Variants in ACSF2 observed in about 807,000 individuals in gnomAD.
ACSF2 encodes the protein medium-chain acyl-CoA ligase ACSF2, mitochondrial.
ACSF2 carries 52 observed loss-of-function variants against 79.3 expected under a neutral mutation model. The ratio of observed to expected loss-of-function variants is 0.66; its 90% CI spans 0.53 to 0.83. The LOEUF is 0.83. ACSF2 is among the 40% of genes least tolerant of loss of function. The probability of loss-of-function intolerance (pLI) is 0.00; values close to 1 mark genes in which losing one functional copy is unlikely to be tolerated. For missense variants in ACSF2, 661 were observed against 803.3 expected, an observed-to-expected ratio of 0.82 and a Z score of 2.14; for synonymous variants, 283 against 312.6, an observed-to-expected ratio of 0.91 and a Z score of 1.00.
At chr17:50,469,290 G>A (rs920426545) in intron 10 of ACSF2, among the ~76,000 whole-genome samples, 2 of 152,228 alleles carry the variant, frequency 1.3e-5, no homozygotes, top group Non-Finnish European at 2.9e-5. Flanking sequence ...TCGGCCGGGT[G>A]CCCTGGATGC....
intron 1 of ACSF2, among the ~76,000 whole-genome samples, chr17:50,451,732 G>T (rs530545335): frequency 4.3e-4 from 65 of 152,354 alleles, no homozygotes; most frequent in African/African-American, 1.5e-3. Flanking sequence ...TTATAGGCGT[G>T]AGCCACCGCG....
intron 12 of ACSF2, 52 bp from the exon 13 acceptor site, chr17:50,473,613 A>G: frequency 6.2e-7 from 1 of 1,611,726 alleles, no homozygotes; most frequent in East Asian, 2.2e-5. Context: ...CTGAGCAAGC[A>G]AGTGAGTGAA....
intron 10 of ACSF2, chr17:50,468,782 C>A: frequency 6.4e-7 from 1 of 1,569,422 alleles, no homozygotes; most frequent in East Asian, 2.3e-5. Context: ...AGCCAGGAGG[C>A]CGAGGCTGAG....
chr17:50,471,913 C>T lies in ACSF2; in HGVS notation c.1324-515C>T, dbSNP rs2033139206. ...CACCTGGAAGGGAAACAGGGGCAGG[C>T]ATCACTCACCCCATTTCACGGACAC... On this transcript the variant is annotated intron_variant, in intron 11 of 15. Transcript: ENST00000300441. The surrounding 1 kb of genome is among the most constrained non-coding windows in gnomAD (Gnocchi z 4.1). Among the ~76,000 whole-genome samples the T allele has an allele frequency of 6.6e-6, 1 of 152,204 alleles. No homozygotes were observed. Among genetic ancestry groups the T allele is most frequent in the Non-Finnish European group, 1.5e-5 (1 of 68,032 alleles).
At chr17:50,439,874 C>T (rs1464921199) in intron 1 of ACSF2, among the ~76,000 whole-genome samples, 1 of 152,078 alleles carries the variant, frequency 6.6e-6, no homozygotes, top group Non-Finnish European at 1.5e-5. Context: ...TTTATACTTC[C>T]CTGATTACCA....
At chr17:50,444,611 C>T (rs899186936) in intron 1 of ACSF2, among the ~76,000 whole-genome samples, 2 of 147,146 alleles carry the variant, frequency 1.4e-5, no homozygotes, top group Admixed American at 1.4e-4. Context: ...ATATCTTCCC[C>T]AGCCCCCGAG....
At chr17:50,461,496 C>G in intron 3 of ACSF2, 126 bp downstream of exon 3, 1 of 1,584,884 alleles carries the variant, frequency 6.3e-7, no homozygotes, top group Non-Finnish European at 8.6e-7. Flanking sequence ...GTAGTGCTTT[C>G]TCCTGAGGCC....
chr17:50,459,727 G>A (rs769694468), intron 1 of ACSF2, among the ~76,000 whole-genome samples: 71 of 152,200 alleles, frequency 4.7e-4, no homozygotes, highest in Admixed American at 7.2e-4. Flanking sequence ...TACTACTCCC[G>A]TGACTGCCCA....
At chr17:50,427,845 G>T (rs1214328266) in intron 1 of ACSF2, among the ~76,000 whole-genome samples, 1 of 152,124 alleles carries the variant, frequency 6.6e-6, no homozygotes, top group Non-Finnish European at 1.5e-5. Flanking sequence ...TGGGACCTCT[G>T]AGAGCACCAA....
intron 1 of ACSF2, among the ~76,000 whole-genome samples, chr17:50,446,174 T>C (rs971658977): frequency 1.3e-5 from 2 of 152,178 alleles, no homozygotes; most frequent in Non-Finnish European, 2.9e-5. Context: ...TCTGACAGAA[T>C]GTTAAATAGG....
At chr17:50,470,471 C>T (rs1406223491) in intron 10 of ACSF2, among the ~76,000 whole-genome samples, 5 of 151,870 alleles carry the variant, frequency 3.3e-5, no homozygotes, top group Non-Finnish European at 7.4e-5. Flanking sequence ...AATAAATTCA[C>T]GGGAAACTCT....
intron 1 of ACSF2, among the ~76,000 whole-genome samples, chr17:50,453,695 G>A (rs2031814025): frequency 6.6e-6 from 1 of 152,090 alleles, no homozygotes. Context: ...TATTGATGCT[G>A]AAGAATGCAT....
Position 50,465,599 on chromosome 17 carries a change from T to G in ACSF2, c.1215+1305T>G. 3 of 1,490,640 alleles carry G rather than the reference T, an allele frequency of 2.0e-6. No individual in the cohort carries two copies. The South Asian group carries it at 3.6e-5, about 18-fold the overall frequency. The allele number at this position is 1,490,640 out of a possible 1,614,324, so 92.3% of individuals were successfully genotyped here. A position where few individuals can be genotyped will look rare whatever the true frequency, so the allele number is the denominator to read the frequency against. On this transcript the variant is annotated intron_variant, in intron 10 of 15. Coordinates refer to ENST00000300441, the MANE Select transcript of ACSF2 (RefSeq NM_025149.6). ...AACTGAGGCTCCCAGGGTCCCATGC[T>G]TATTAGGTAGCAGATCTAGGATGCA...
intron 1 of ACSF2, among the ~76,000 whole-genome samples, chr17:50,432,721 C>T (rs955359109): frequency 6.6e-6 from 1 of 152,206 alleles, no homozygotes; most frequent in South Asian, 2.1e-4. Context: ...ATGTATTCCT[C>T]CATTTGGGAG....
At position 50,473,697 on chromosome 17, in the gene ACSF2, G is replaced by A; in HGVS notation, c.1508G>A (p.Cys503Tyr). The A allele has an allele frequency of 1.9e-6, 3 of 1,614,216 alleles. No homozygotes were observed. Among genetic ancestry groups the A allele is most frequent in the Non-Finnish European group, 1.7e-6 (2 of 1,180,048 alleles). The change falls in exon 13 of 16, where the codon TGC becomes TAC. Residue 503 changes from cysteine to tyrosine, a missense_variant. Cys to Tyr is a radical substitution (Grantham distance 194). Transcript: ENST00000300441. ...DVATMNEQGF[C>Y]KIVGRSKDMI... Reference sequence around the variant, plus strand: ...GCCACAATGAATGAGCAGGGCTTCTGCAAGATCGTGGGCCGCTCTAAGGAT... The same window carrying A: ...GCCACAATGAATGAGCAGGGCTTCTACAAGATCGTGGGCCGCTCTAAGGAT...
chr17:50,430,998 A>G (rs896306725), intron 1 of ACSF2, among the ~76,000 whole-genome samples: 1 of 152,208 alleles, frequency 6.6e-6, no homozygotes, highest in Admixed American at 6.5e-5. Context: ...CTGTTTCTAT[A>G]CAAGCGCCTT....
intron 1 of ACSF2, among the ~76,000 whole-genome samples, chr17:50,444,863 G>A (rs1473971578): frequency 6.6e-6 from 1 of 152,070 alleles, no homozygotes; most frequent in Non-Finnish European, 1.5e-5. Flanking sequence ...ATTGTCTTCT[G>A]TGTGTAAGTG....
intron 10 of ACSF2, chr17:50,468,837 C>T (rs2032935447): frequency 2.7e-6 from 4 of 1,476,242 alleles, no homozygotes; most frequent in Non-Finnish European, 3.6e-6. Context: ...GGGGCCGGGG[C>T]TGGGGGCAGC....
chr17:50,461,325 A>G lies in ACSF2; in HGVS notation c.408A>G (p.Ala136=). Residue 136 remains alanine (A), a synonymous_variant, in exon 3 of 16, where the codon GCA becomes GCG. Transcript: ENST00000300441. The stretch of plus-strand genomic sequence containing the variant: ...GCATGTGGGGACCTAACTCCTATGC[A>G]TGGGTGCTCATGCAGTTGGCCACCG... The part of the protein sequence containing the change: ...RLGMWGPNSY[A]WVLMQLATAQ... The G allele has an allele frequency of 1.2e-6, 2 of 1,614,080 alleles. No homozygotes were observed.
Sources: allele counts gnomAD v4.1 joint callset (sites outside exome capture counted in the v4.1 genomes callset), GRCh38; gene constraint gnomAD v4.1.1; non-coding constraint Gnocchi (gnomAD v3.1); transcripts MANE v1.5; gene names NCBI Gene and HGNC (gene_info 2026-07-23, HGNC 2026-07-21).